Variants in ASTN2 observed in about 807,000 individuals in gnomAD.
The protein encoded by ASTN2 is astrotactin-2.
In ASTN2, 54 loss-of-function variants were observed where a neutral mutation model predicts 139.8. The ratio of observed to expected loss-of-function variants is 0.39; its 90% CI spans 0.31 to 0.48. The LOEUF (loss-of-function observed/expected upper bound fraction) is 0.48. ASTN2 is among the 20% of genes least tolerant of loss of function. The probability of loss-of-function intolerance (pLI) is 0.95; values close to 1 mark genes in which losing one functional copy is unlikely to be tolerated. For synonymous variants in ASTN2, 756 were observed against 719.5 expected, an observed-to-expected ratio of 1.05 and a Z score of -0.81; for missense variants, 1,565 against 1,725.1, an observed-to-expected ratio of 0.91 and a Z score of 1.64.
intron 16 of ASTN2, among the ~76,000 whole-genome samples, chr9:116,664,315 A>T (rs1858735894): frequency 6.6e-6 from 1 of 151,736 alleles, no homozygotes; most frequent in Non-Finnish European, 1.5e-5. Context: ...TTGTAAGCTC[A>T]AGGAATCCAC....
In ASTN2 at chr9:117,414,657, G is replaced by GGTCCCA; in HGVS notation, c.276_281dup (p.Thr94_Gly95dup). Reference sequence around the variant, plus strand: ...CGGCGGCGGCGGCGGCTCCGGCCCCGGTCCCAGCCCCGGCCCCGGCGCGGG... The same window carrying GGTCCCA: ...CGGCGGCGGCGGCGGCTCCGGCCCCGGTCCCAGTCCCAGCCCCGGCCCCGGCGCGGG... On this transcript the variant is annotated inframe_insertion, in exon 1 of 23. Coordinates refer to ENST00000313400, the MANE Select transcript of ASTN2 (RefSeq NM_001365068.1). This position sits in a 1 kb window ranked among gnomAD's most constrained non-coding sequence, Gnocchi z 4.2. 7.5e-7 allele frequency: 1 copy of GGTCCCA among 1,332,050 alleles called. No homozygotes were observed. Among genetic ancestry groups the GGTCCCA allele is most frequent in the South Asian group, 2.0e-5 (1 of 50,076 alleles). 82.5% of individuals were successfully genotyped at this position (1,332,050 alleles called of 1,614,324 possible). A position where few individuals can be genotyped will look rare whatever the true frequency, so the allele number is the denominator to read the frequency against.
Position 116,957,830 on chromosome 9 carries a change from G to C in ASTN2, c.1889+17378C>G, listed in dbSNP as rs555137458. 2.6e-5 allele frequency among the ~76,000 whole-genome samples: 4 copies of C among 152,262 alleles called. No individual in the cohort carries two copies. In the East Asian group the frequency reaches 7.7e-4, roughly 29 times the overall value. On this transcript the variant is annotated intron_variant, in intron 10 of 22. Transcript: ENST00000313400. ...TGAGTAGCTAGGACTACAGGCACAT[G>C]CCACCACATCCAGCTCATTTTTGTA...
rs144155877 is a variant in ASTN2 at position 116,747,055 on chromosome 9, G to A, written c.2397-13532C>T. Among the ~76,000 whole-genome samples, 452 of 152,220 alleles carry A rather than the reference G, an allele frequency of 3.0e-3. 3 individuals carry two copies. Among genetic ancestry groups the A allele is most frequent in the African/African-American group, 0.01 (416 of 41,528 alleles). On this transcript the variant is annotated intron_variant, in intron 13 of 22. Transcript: ENST00000313400. Reference sequence around the variant, plus strand: ...CTTATTCATCTCTGCCTCCCTTGCCGTCCTTCCTTCACTTCCCTAGATATC... The same window carrying A: ...CTTATTCATCTCTGCCTCCCTTGCCATCCTTCCTTCACTTCCCTAGATATC...
intron 19 of ASTN2, among the ~76,000 whole-genome samples, chr9:116,606,624 G>C (rs1855220991): frequency 6.6e-6 from 1 of 151,930 alleles, no homozygotes; most frequent in Non-Finnish European, 1.5e-5. Context: ...AATCCTAACT[G>C]TCTAACCAAA....
intron 5 of ASTN2, among the ~76,000 whole-genome samples, chr9:117,088,937 G>T (rs922247640): frequency 1.3e-5 from 2 of 152,186 alleles, no homozygotes; most frequent in African/African-American, 4.8e-5. Flanking sequence ...TCAGCATTGT[G>T]CCCAGGGCTG....
chr9:116,849,981 G>C (rs1475429818), intron 11 of ASTN2, among the ~76,000 whole-genome samples: 1 of 152,082 alleles, frequency 6.6e-6, no homozygotes, highest in Non-Finnish European at 1.5e-5. Flanking sequence ...TTGTTGCAGA[G>C]AGCAATTTAA....
At chr9:116,602,794 G>A (rs1041902183) in intron 19 of ASTN2, among the ~76,000 whole-genome samples, 2 of 152,078 alleles carry the variant, frequency 1.3e-5, no homozygotes, top group East Asian at 3.9e-4. Context: ...GCTGGGCATG[G>A]TGGCATGCAT....
intron 19 of ASTN2, among the ~76,000 whole-genome samples, chr9:116,616,679 T>C (rs952000100): frequency 2.6e-5 from 4 of 152,170 alleles, no homozygotes; most frequent in Admixed American, 1.3e-4. Context: ...TGAAGCGTTA[T>C]TGTTAAAGTG....
intron 13 of ASTN2, among the ~76,000 whole-genome samples, chr9:116,789,260 A>ATACT (rs1412937733): frequency 1.3e-5 from 2 of 152,204 alleles, no homozygotes; most frequent in African/African-American, 4.8e-5. Flanking sequence ...GGAACTCAGT[A>ATACT]AAGAATGAAG....
At chr9:116,648,888 G>T (rs977998146) in intron 17 of ASTN2, among the ~76,000 whole-genome samples, 2 of 152,002 alleles carry the variant, frequency 1.3e-5, no homozygotes, top group Non-Finnish European at 2.9e-5. Context: ...ACAAAAATTA[G>T]CCAGGCATGG....
chr9:116,869,622 C>A (rs1201310461), intron 10 of ASTN2, among the ~76,000 whole-genome samples: 1 of 152,154 alleles, frequency 6.6e-6, no homozygotes, highest in East Asian at 1.9e-4. Flanking sequence ...ACTCCAGCAA[C>A]CGTGTAGAGG....
intron 1 of ASTN2, among the ~76,000 whole-genome samples, chr9:117,378,882 T>A (rs1830193263): frequency 6.6e-6 from 1 of 152,158 alleles, no homozygotes; most frequent in Non-Finnish European, 1.5e-5. Flanking sequence ...GACGGATCCT[T>A]CATGAATGGT....
At chr9:116,769,152 G>A (rs547676230) in intron 13 of ASTN2, among the ~76,000 whole-genome samples, 2 of 152,292 alleles carry the variant, frequency 1.3e-5, no homozygotes, top group South Asian at 4.1e-4. Flanking sequence ...CAAGAAGGCT[G>A]GGAAGTATCT....
chr9:117,104,716 T>A (rs977656618), intron 4 of ASTN2, among the ~76,000 whole-genome samples: 7 of 152,198 alleles, frequency 4.6e-5, no homozygotes, highest in African/African-American at 1.7e-4. Flanking sequence ...TTAAAACATT[T>A]CTTATTGTTG....
chr9:116,558,930 T>G (rs1346747339), intron 19 of ASTN2, among the ~76,000 whole-genome samples: 1 of 152,240 alleles, frequency 6.6e-6, no homozygotes, highest in Non-Finnish European at 1.5e-5. Context: ...CTCGTTCATT[T>G]AATATTTATT....
intron 16 of ASTN2, among the ~76,000 whole-genome samples, chr9:116,655,268 T>C (rs139279382): frequency 6.6e-6 from 1 of 152,346 alleles, no homozygotes; most frequent in East Asian, 1.9e-4. Context: ...GACATTACAA[T>C]TGCAAAAGCT....
At chr9:117,251,684 A>T (rs376748471) in intron 2 of ASTN2, among the ~76,000 whole-genome samples, 2 of 152,250 alleles carry the variant, frequency 1.3e-5, no homozygotes, top group Non-Finnish European at 2.9e-5. Flanking sequence ...GGAGAATAAC[A>T]TGATAGAATC....
At chr9:117,401,305 CT>C in intron 1 of ASTN2, among the ~76,000 whole-genome samples, 1 of 152,102 alleles carries the variant, frequency 6.6e-6, no homozygotes, top group Admixed American at 6.5e-5. Context: ...CTCCAAATAC[CT>C]GTCAGGTAAA....
At chr9:116,916,998 T>G (rs970846651) in intron 10 of ASTN2, among the ~76,000 whole-genome samples, 1 of 152,098 alleles carries the variant, frequency 6.6e-6, no homozygotes, top group Non-Finnish European at 1.5e-5. Context: ...GAGATTTTTT[T>G]TTTCTCCCCT....
Sources: gnomAD v4.1 joint callset for allele counts (sites outside exome capture counted in the v4.1 genomes callset) on GRCh38, gnomAD v4.1.1 for gene constraint, Gnocchi (gnomAD v3.1) non-coding constraint, MANE v1.5 for transcripts, NCBI Gene and HGNC (gene_info 2026-07-23, HGNC 2026-07-21) for gene names.